Variants in STXBP5L observed in about 807,000 individuals in gnomAD.
STXBP5L encodes syntaxin-binding protein 5-like.
Under a neutral mutation model 144.5 loss-of-function variants are expected in STXBP5L, and 65 were observed. The observed-to-expected ratio is 0.45, with a 90% CI of 0.37 to 0.55. STXBP5L has a LOEUF of 0.55. STXBP5L is among the 20% of genes least tolerant of loss of function. STXBP5L has a pLI of 0.00. For missense variants in STXBP5L, 1,298 were observed against 1,405.5 expected, an observed-to-expected ratio of 0.92 and a Z score of 1.22; for synonymous variants, 505 against 469.6, an observed-to-expected ratio of 1.08 and a Z score of -0.97.
chr3:120,961,706 C>T (rs769465597), intron 3 of STXBP5L, among the ~76,000 whole-genome samples: 2 of 152,148 alleles, frequency 1.3e-5, no homozygotes, highest in East Asian at 3.9e-4. Context: ...CAAGTCTTTG[C>T]TGTTGTGAAT....
chr3:121,297,428 C>T (rs917026021), intron 19 of STXBP5L, among the ~76,000 whole-genome samples: 2 of 151,978 alleles, frequency 1.3e-5, no homozygotes, highest in Non-Finnish European at 2.9e-5. Context: ...AAATTAGAAG[C>T]CAAGAACTTT....
chr3:121,418,635 AAC>A (rs1267648028), intron 26 of STXBP5L, 78 bp downstream of exon 26: 26 of 1,344,124 alleles, frequency 1.9e-5, no homozygotes, highest in Non-Finnish European at 2.7e-5. Flanking sequence ...AGAAAGCTTA[AAC>A]AGAGATCCAC....
At chr3:120,998,594 T>G (rs756068146) in intron 3 of STXBP5L, among the ~76,000 whole-genome samples, 1 of 152,092 alleles carries the variant, frequency 6.6e-6, no homozygotes, top group Non-Finnish European at 1.5e-5. Flanking sequence ...CATGTGTTCT[T>G]ATTGTTCAAC....
chr3:120,940,109 T>TTATA lies in STXBP5L; in HGVS notation c.190-14827_190-14824dup, dbSNP rs542824008. On this transcript the variant is annotated intron_variant, in intron 2 of 26. Transcript: ENST00000471454. ...CTATGACTGCTAATTTCCATTTTTA[T>TTATA]TATATATCAATGAGAAAGATCATTA... Among the ~76,000 whole-genome samples the TTATA allele has an allele frequency of 2.3e-4, 35 of 152,254 alleles. No homozygotes were observed. The East Asian group carries it at 6.6e-3, about 29-fold the overall frequency.
rs1293853243 is a variant in STXBP5L, at chr3:121,424,749, A to C, written c.*5652A>C. The C allele has an allele frequency of 4.6e-5, 7 of 152,192 alleles. 1 individual carries two copies. Among genetic ancestry groups the C allele is most frequent in the Admixed American group, 4.6e-4 (7 of 15,284 alleles). The allele number at this position is 152,192 out of a possible 1,614,324, so 9.4% of individuals were successfully genotyped here. On this transcript the variant is annotated 3_prime_UTR_variant, in exon 27 of 27. Coordinates refer to ENST00000471454, the MANE Select transcript of STXBP5L (RefSeq NM_001308330.2). ...TGTAGAGATATCAATAAAATTGTAT[A>C]TGTTTGTACATAGATGCTCTCTTAT... is the stretch of plus-strand genomic sequence containing the variant.
chr3:121,281,116 T>C (rs1178513203), intron 19 of STXBP5L, among the ~76,000 whole-genome samples: 1 of 151,894 alleles, frequency 6.6e-6, no homozygotes, highest in African/African-American at 2.4e-5. Context: ...CATCCAAATG[T>C]GATAATAAAT....
chr3:120,920,225 T>C (rs1362345181), intron 2 of STXBP5L, among the ~76,000 whole-genome samples: 1 of 151,758 alleles, frequency 6.6e-6, no homozygotes, highest in Non-Finnish European at 1.5e-5. Context: ...TTAATCTGGG[T>C]CAGCTCAGTA....
chr3:121,050,671 A>G lies in STXBP5L; in HGVS notation c.470+5136A>G, dbSNP rs527896531. Among the ~76,000 whole-genome samples, 418 of 152,352 alleles carry G rather than the reference A, an allele frequency of 2.7e-3. 5 individuals are homozygous for G. Among genetic ancestry groups the G allele is most frequent in the African/African-American group, 9.6e-3 (400 of 41,586 alleles). On this transcript the variant is annotated intron_variant, in intron 5 of 26. Transcript: ENST00000471454. ...ACCATCAAGGCTAGGAAGAAACTGC[A>G]TCAACTAACGAGCAAAATAACCAGC...
At chr3:121,019,216 C>G (rs948178976) in intron 3 of STXBP5L, among the ~76,000 whole-genome samples, 12 of 152,180 alleles carry the variant, frequency 7.9e-5, no homozygotes, top group Non-Finnish European at 1.5e-4. Flanking sequence ...GGAGCCACAG[C>G]AAGCCCTGCC....
intron 19 of STXBP5L, among the ~76,000 whole-genome samples, chr3:121,307,966 A>G (rs923798915): frequency 2.0e-5 from 3 of 152,214 alleles, no homozygotes; most frequent in African/African-American, 7.2e-5. Context: ...ACATACATGG[A>G]ACTCTTACAA....
chr3:121,107,124 T>G (rs1576976623), intron 5 of STXBP5L, among the ~76,000 whole-genome samples: 1 of 152,132 alleles, frequency 6.6e-6, no homozygotes, highest in South Asian at 2.1e-4. Flanking sequence ...TTTAAATTCC[T>G]TGTAGATTCT....
intron 5 of STXBP5L, among the ~76,000 whole-genome samples, chr3:121,076,982 G>A (rs1386383854): frequency 1.3e-5 from 2 of 152,102 alleles, no homozygotes; most frequent in East Asian, 1.9e-4. Flanking sequence ...CAGTGTCCTA[G>A]GTCTGGTTTT....
chr3:121,212,822 G>A (rs948668142), intron 10 of STXBP5L, among the ~76,000 whole-genome samples: 1 of 152,096 alleles, frequency 6.6e-6, no homozygotes, highest in African/African-American at 2.4e-5. Context: ...CCATTTTCGT[G>A]ATATTGATTC....
chr3:121,098,748 G>T (rs1456210734), intron 5 of STXBP5L, among the ~76,000 whole-genome samples: 1 of 152,190 alleles, frequency 6.6e-6, no homozygotes, highest in Non-Finnish European at 1.5e-5. Flanking sequence ...TCCTCCTGAT[G>T]TGGCCAGGTT....
At chr3:121,001,882 TG>T (rs1943807675) in intron 3 of STXBP5L, among the ~76,000 whole-genome samples, 1 of 152,226 alleles carries the variant, frequency 6.6e-6, no homozygotes, top group Non-Finnish European at 1.5e-5. Context: ...TCAGCCATCT[TG>T]GCTCTTTCCT....
At chr3:121,396,259 C>T (rs1228778532) in intron 22 of STXBP5L, among the ~76,000 whole-genome samples, 1 of 152,206 alleles carries the variant, frequency 6.6e-6, no homozygotes, top group East Asian at 1.9e-4. Context: ...TGCAACTGCT[C>T]TTTTAAGGAA....
At chr3:121,288,259 T>G (rs1273314777) in intron 19 of STXBP5L, among the ~76,000 whole-genome samples, 1 of 152,232 alleles carries the variant, frequency 6.6e-6, no homozygotes, top group Non-Finnish European at 1.5e-5. Context: ...TTTAGACTGA[T>G]TCCATGTTAT....
At chr3:121,211,717 T>TC (rs1312569473) in intron 10 of STXBP5L, among the ~76,000 whole-genome samples, 6 of 151,904 alleles carry the variant, frequency 3.9e-5, no homozygotes, top group Non-Finnish European at 7.4e-5. Flanking sequence ...TAACTGTGAC[T>TC]ACAGGCATGT....
At chr3:121,296,351 C>T (rs2051648323) in intron 19 of STXBP5L, among the ~76,000 whole-genome samples, 1 of 152,178 alleles carries the variant, frequency 6.6e-6, no homozygotes, top group Non-Finnish European at 1.5e-5. Flanking sequence ...TTCCATTCCA[C>T]TGATTCCTCC....
Sources: gnomAD v4.1 joint callset for allele counts (sites outside exome capture counted in the v4.1 genomes callset) on GRCh38, gnomAD v4.1.1 for gene constraint, MANE v1.5 for transcripts, NCBI Gene and HGNC (gene_info 2026-07-23, HGNC 2026-07-21) for gene names.